Variants in CPNE2 observed in about 807,000 individuals in gnomAD.
The protein encoded by CPNE2 is copine-2.
Under a neutral mutation model 69.7 loss-of-function variants are expected in CPNE2, and 42 were observed. The observed-to-expected ratio is 0.60, with a 90% CI of 0.47 to 0.78. The LOEUF (loss-of-function observed/expected upper bound fraction) is 0.78. Ranked by LOEUF, CPNE2 falls within the 30% of genes least tolerant of loss-of-function variation. The pLI is 0.00. For synonymous variants in CPNE2, 294 were observed against 289.8 expected, an observed-to-expected ratio of 1.01 and a Z score of -0.15; for missense variants, 587 against 732.0, an observed-to-expected ratio of 0.80 and a Z score of 2.29.
At chr16:57,112,405 A>T (rs2069687318) in intron 2 of CPNE2, among the ~76,000 whole-genome samples, 2 of 151,930 alleles carry the variant, frequency 1.3e-5, no homozygotes, top group African/African-American at 4.8e-5. Flanking sequence ...CCTGACTCAT[A>T]GCACAATCCC....
chr16:57,134,768 G>A lies in CPNE2; in HGVS notation c.1117-7G>A, dbSNP rs375154295. The A allele has an allele frequency of 6.1e-5, 98 of 1,613,792 alleles. No homozygotes were observed. Among genetic ancestry groups the A allele is most frequent in the African/African-American group, 1.3e-4 (10 of 74,874 alleles). On this transcript the variant is annotated splice_region_variant and splice_polypyrimidine_tract_variant and intron_variant, in intron 12 of 15. Transcript: ENST00000290776. Reference sequence around the variant, plus strand: ...GGCTGCAGCTCAGCGTTTTCTCTGCGTTTCAGGTCTCCCATGAGTTTGCCA... The same window carrying A: ...GGCTGCAGCTCAGCGTTTTCTCTGCATTTCAGGTCTCCCATGAGTTTGCCA...
intron 3 of CPNE2, among the ~76,000 whole-genome samples, 170 bp from the exon 4 acceptor site, chr16:57,115,306 A>G (rs1005475564): frequency 3.9e-5 from 6 of 152,128 alleles, no homozygotes; most frequent in African/African-American, 1.4e-4. Context: ...CACTGCCCAG[A>G]TTGGCTGCTG....
intron 10 of CPNE2, chr16:57,125,506 G>T: frequency 2.6e-6 from 1 of 388,448 alleles, no homozygotes; most frequent in South Asian, 1.9e-5. Flanking sequence ...AGAAACGATA[G>T]CCTGGCTCTG....
Position 57,146,528 on chromosome 16 carries a change from T to A in CPNE2, c.1539+207T>A. The A allele has an allele frequency of 1.8e-6, 1 of 569,308 alleles. No individual in the cohort carries two copies. The highest frequency in any genetic ancestry group is 2.1e-5 in the South Asian group (1 of 48,204). 35.3% of individuals were successfully genotyped at this position (569,308 alleles called of 1,614,324 possible). A position where few individuals can be genotyped will look rare whatever the true frequency, so the allele number is the denominator to read the frequency against. ...CCATTGTGATAGTGTGAGCACTTGC[T>A]TCCACAAACTGATGGAACATGGAGC... is the stretch of plus-strand genomic sequence containing the variant. On this transcript the variant is annotated intron_variant, in intron 15 of 15. Transcript: ENST00000290776. This position sits in a 1 kb window ranked among gnomAD's most constrained non-coding sequence, Gnocchi z 4.4.
rs562379835 is a variant in CPNE2, at chr16:57,112,162, G to A, written c.181-1126G>A. On this transcript the variant is annotated intron_variant, in intron 2 of 15. Transcript: ENST00000290776. ...CTCCTTCTTGTGATGCCAAGAAAAC[G>A]GTGTGGGATTGTTGACCCACTTTAC... is the stretch of plus-strand genomic sequence containing the variant. 1.8e-3 allele frequency among the ~76,000 whole-genome samples: 270 copies of A among 152,292 alleles called. 1 individual carries two copies. Among genetic ancestry groups the A allele is most frequent in the African/African-American group, 6.3e-3 (261 of 41,562 alleles).
intron 1 of CPNE2, among the ~76,000 whole-genome samples, chr16:57,095,437 C>T (rs768769080): frequency 6.6e-6 from 1 of 152,164 alleles, no homozygotes; most frequent in Non-Finnish European, 1.5e-5. Flanking sequence ...TGTTCCATAC[C>T]CTGGAATATT....
At chr16:57,139,953 C>A (rs1316471758) in intron 14 of CPNE2, among the ~76,000 whole-genome samples, 1 of 152,010 alleles carries the variant, frequency 6.6e-6, no homozygotes, top group African/African-American at 2.4e-5. Flanking sequence ...GCACATGGCA[C>A]CCAAAAAGAC....
At chr16:57,095,714 C>T (rs1738935441) in intron 1 of CPNE2, among the ~76,000 whole-genome samples, 1 of 152,170 alleles carries the variant, frequency 6.6e-6, no homozygotes, top group South Asian at 2.1e-4. Flanking sequence ...ATCCACCCAC[C>T]TCGGTCTCCC....
chr16:57,111,253 T>G (rs2069680119), intron 2 of CPNE2, among the ~76,000 whole-genome samples: 1 of 151,610 alleles, frequency 6.6e-6, no homozygotes, highest in Non-Finnish European at 1.5e-5. Context: ...CTCAGCTCAC[T>G]GCAACCTCTG....
chr16:57,142,242 G>A (rs1467266452), intron 14 of CPNE2: 1 of 152,326 alleles, frequency 6.6e-6, no homozygotes, highest in African/African-American at 2.4e-5. Context: ...TGGAAGCACG[G>A]GCTCACAGAG....
At chr16:57,136,181 G>A (rs944226737) in intron 13 of CPNE2, among the ~76,000 whole-genome samples, 5 of 152,198 alleles carry the variant, frequency 3.3e-5, no homozygotes, top group Admixed American at 6.5e-5. Flanking sequence ...AGACCTTTCC[G>A]CCTAGGACTT....
At chr16:57,123,917 TC>T (rs11344632) in intron 10 of CPNE2, 13,490 of 194,772 alleles carry the variant, frequency 0.069, 763 homozygotes, top group South Asian at 0.17. Context: ...CATTTGTTGT[TC>T]CCTCTGCCTG....
chr16:57,105,430 G>GT (rs113892684), intron 1 of CPNE2, among the ~76,000 whole-genome samples: 2,221 of 142,046 alleles, frequency 0.016, 21 homozygotes, highest in African/African-American at 0.036. Flanking sequence ...TATGTGTCCG[G>GT]TTTTTTTTTT....
chr16:57,121,071 G>T, intron 7 of CPNE2, 22 bp from the exon 8 acceptor site: 1 of 1,597,608 alleles, frequency 6.3e-7, no homozygotes, highest in South Asian at 1.1e-5. Flanking sequence ...GCTCTGGGGT[G>T]ACCGTGCTGA....
chr16:57,125,815 TG>T, intron 10 of CPNE2, 44 bp from the exon 11 acceptor site: 1 of 1,611,994 alleles, frequency 6.2e-7, no homozygotes, highest in East Asian at 2.2e-5. Flanking sequence ...GATAGGGTGC[TG>T]GGGTCTCTGG....
chr16:57,119,369 G>A (rs961879330), intron 6 of CPNE2, 91 bp downstream of exon 6: 35 of 1,372,126 alleles, frequency 2.6e-5, no homozygotes, highest in East Asian at 6.9e-5. Context: ...GGTCACAGCC[G>A]CTCAGTGTGC....
Position 57,127,891 on chromosome 16 carries a change from C to T in CPNE2, c.1104C>T (p.Pro368=). 6.2e-7 allele frequency: 1 copy of T among 1,613,782 alleles called. No homozygotes were observed. The highest frequency in any genetic ancestry group is 8.5e-7 in the Non-Finnish European group (1 of 1,179,992). Residue 368 remains proline, a synonymous_variant, in exon 12 of 16, where the codon CCC becomes CCT. Coordinates refer to ENST00000290776, the MANE Select transcript of CPNE2 (RefSeq NM_152727.6). The stretch of plus-strand genomic sequence containing the variant: ...CTCTGGGATTCGGGGCCCAGTTACC[C>T]CCAGACTGGAAGGTGAGTGAAACCG... ...FPALGFGAQL[P]PDWKVSHEFA...
chr16:57,093,117 C>T (rs965877413), intron 1 of CPNE2, among the ~76,000 whole-genome samples: 1 of 151,544 alleles, frequency 6.6e-6, no homozygotes, highest in Non-Finnish European at 1.5e-5. Context: ...GGAGGGCGTA[C>T]GGGAGGTGGA....
intron 8 of CPNE2, 46 bp downstream of exon 8, chr16:57,121,237 G>T (rs542417493): frequency 6.5e-7 from 1 of 1,535,880 alleles, no homozygotes; most frequent in South Asian, 1.2e-5. Context: ...CAGCAGGGCT[G>T]GGGGAAGGGG....
Sources: allele counts gnomAD v4.1 joint callset (sites outside exome capture counted in the v4.1 genomes callset), GRCh38; gene constraint gnomAD v4.1.1; non-coding constraint Gnocchi (gnomAD v3.1); transcripts MANE v1.5; gene names NCBI Gene and HGNC (gene_info 2026-07-23, HGNC 2026-07-21).